Variants in BACH2 observed in about 807,000 individuals in gnomAD.
The protein encoded by BACH2 is BACH transcriptional regulator 2, also known as transcription regulator protein BACH2.
BACH2 carries 5 observed loss-of-function variants against 61.8 expected under a neutral mutation model. The ratio of observed to expected loss-of-function variants is 0.08; its 90% CI spans 0.04 to 0.17. The LOEUF is 0.17. Among genes scored for constraint, BACH2 ranks in the 10% least tolerant of loss-of-function variants. The pLI is 1.00. For missense variants in BACH2, 824 were observed against 1,091.1 expected (o/e 0.76, Z 3.45); for synonymous variants, 446 against 440.1 (o/e 1.01, Z -0.17).
chr6:90,187,422 C>T (rs967393944), intron 4 of BACH2, among the ~76,000 whole-genome samples: 2 of 152,218 alleles, frequency 1.3e-5, no homozygotes, highest in Admixed American at 6.5e-5. Flanking sequence ...AACTTTTCAG[C>T]CCAATCTATA....
intron 6 of BACH2, among the ~76,000 whole-genome samples, chr6:89,970,974 G>C (rs1194161515): frequency 6.6e-6 from 1 of 152,132 alleles, no homozygotes; most frequent in African/African-American, 2.4e-5. Context: ...AAGGGAATTT[G>C]GAACTTATGG....
chr6:89,934,646 G>A (rs1772897033), intron 8 of BACH2, among the ~76,000 whole-genome samples: 2 of 152,028 alleles, frequency 1.3e-5, no homozygotes, highest in Non-Finnish European at 2.9e-5. Flanking sequence ...GCGACAGAGC[G>A]AGACTTTGTC....
chr6:90,237,645 T>G (rs1368860658), intron 3 of BACH2, among the ~76,000 whole-genome samples: 1 of 152,200 alleles, frequency 6.6e-6, no homozygotes, highest in Non-Finnish European at 1.5e-5. Flanking sequence ...AAATGTAAAA[T>G]GCAATGGAAT....
At chr6:90,244,792 A>C (rs973997803) in intron 3 of BACH2, among the ~76,000 whole-genome samples, 15 of 152,332 alleles carry the variant, frequency 9.8e-5, no homozygotes, top group Middle Eastern at 6.8e-3. Flanking sequence ...CTGAGCCATC[A>C]TCACCCTCAT....
intron 1 of BACH2, among the ~76,000 whole-genome samples, chr6:90,294,212 T>C (rs888540471): frequency 6.6e-6 from 1 of 152,140 alleles, no homozygotes; most frequent in Non-Finnish European, 1.5e-5. Flanking sequence ...ACCTGCAGAA[T>C]AGACAGACAG....
Position 89,971,460 on chromosome 6 carries a change from G to A in BACH2, c.244-19598C>T, listed in dbSNP as rs576699630. 3.1e-4 allele frequency among the ~76,000 whole-genome samples: 47 copies of A among 152,188 alleles called. 1 individual carries two copies. Among genetic ancestry groups the A allele is most frequent in the African/African-American group, 1.1e-3 (45 of 41,520 alleles). ...ATAAAACAATGAATATGAAGGAAAC[G>A]GTACTTGGTCTGAGAGGTTCTAGGC... On this transcript the variant is annotated intron_variant, in intron 6 of 8. Coordinates refer to ENST00000257749, the MANE Select transcript of BACH2 (RefSeq NM_021813.4).
At chr6:90,140,377 T>C (rs943367082) in intron 4 of BACH2, among the ~76,000 whole-genome samples, 3 of 152,118 alleles carry the variant, frequency 2.0e-5, no homozygotes, top group Non-Finnish European at 1.5e-5. Context: ...CTTCTGAGGC[T>C]GTATAATGGG....
At chr6:90,224,456 G>GA (rs1486993506) in intron 3 of BACH2, among the ~76,000 whole-genome samples, 7 of 152,136 alleles carry the variant, frequency 4.6e-5, no homozygotes, top group Non-Finnish European at 1.0e-4. Flanking sequence ...GCTGGAATAT[G>GA]AAAAATACTG....
At position 90,028,744 on chromosome 6, in the gene BACH2, T is replaced by C. The variant is rs186753294; in HGVS notation, c.-12-19888A>G. Among the ~76,000 whole-genome samples the C allele has an allele frequency of 2.4e-3, 370 of 152,180 alleles. 2 individuals carry two copies. The highest frequency in any genetic ancestry group is 8.5e-3 in the African/African-American group (354 of 41,530). On this transcript the variant is annotated intron_variant, in intron 5 of 8. Transcript: ENST00000257749. Reference sequence around the variant, plus strand: ...ACAAAGATGGTCTACAGAGGCAAGGTAGTGCAGTGGTTGTGGATGGAGGCT... The same window carrying C: ...ACAAAGATGGTCTACAGAGGCAAGGCAGTGCAGTGGTTGTGGATGGAGGCT...
At chr6:89,986,328 A>G (rs1776241569) in intron 6 of BACH2, among the ~76,000 whole-genome samples, 3 of 151,774 alleles carry the variant, frequency 2.0e-5, no homozygotes, top group Admixed American at 6.6e-5. Flanking sequence ...GCCTTGCCTG[A>G]AAGAGGCTGC....
At chr6:90,277,883 T>C (rs185273311) in intron 1 of BACH2, among the ~76,000 whole-genome samples, 146 of 152,364 alleles carry the variant, frequency 9.6e-4, no homozygotes, top group Admixed American at 2.0e-3. Context: ...ATACAAATGC[T>C]GAGCACTACT....
At chr6:90,069,997 A>G (rs1277436606) in intron 5 of BACH2, among the ~76,000 whole-genome samples, 1 of 152,148 alleles carries the variant, frequency 6.6e-6, no homozygotes, top group Non-Finnish European at 1.5e-5. Context: ...TCAGCTCCAG[A>G]GGGTGGAATG....
intron 2 of BACH2, among the ~76,000 whole-genome samples, chr6:90,266,575 TAAGG>T (rs1364231379): frequency 8.5e-5 from 13 of 152,058 alleles, no homozygotes; most frequent in African/African-American, 2.9e-4. Flanking sequence ...CCAGCCACAA[TAAGG>T]AATGAAGTAC....
chr6:90,171,029 A>T (rs376257602), intron 4 of BACH2, among the ~76,000 whole-genome samples: 6 of 133,278 alleles, frequency 4.5e-5, no homozygotes, highest in African/African-American at 1.8e-4. Context: ...TGGGTAAATT[A>T]AAAAAAAAAA....
At chr6:90,145,791 G>A (rs928988050) in intron 4 of BACH2, among the ~76,000 whole-genome samples, 24 of 152,132 alleles carry the variant, frequency 1.6e-4, no homozygotes, top group Admixed American at 1.4e-3. Context: ...ATCATCTTCC[G>A]AAAGTACATG....
intron 5 of BACH2, among the ~76,000 whole-genome samples, chr6:90,044,255 C>T (rs190684218): frequency 1.3e-5 from 2 of 152,212 alleles, no homozygotes; most frequent in Admixed American, 1.3e-4. Context: ...CGTGGAAGAT[C>T]TCATTTAGGC....
chr6:90,271,600 T>G (rs55771973), intron 2 of BACH2, among the ~76,000 whole-genome samples: 37,980 of 152,044 alleles, frequency 0.25, 5,632 homozygotes, highest in Non-Finnish European at 0.34. Context: ...CAGACAATTC[T>G]CAAAAGAAGA....
chr6:90,295,307 G>C (rs1772306936), intron 1 of BACH2, among the ~76,000 whole-genome samples: 1 of 152,202 alleles, frequency 6.6e-6, no homozygotes, highest in African/African-American at 2.4e-5. Context: ...AGAGTGCTGG[G>C]GATGCCCCAT....
chr6:90,116,720 CTTTGTCTACAA>C (rs1783416618), intron 4 of BACH2: 1 of 402,542 alleles, frequency 2.5e-6, no homozygotes, highest in African/African-American at 2.1e-5. Context: ...CAGGTCCACA[CTTTGTCTACAA>C]TCAACTGCTA....
Sources: allele counts gnomAD v4.1 joint callset (sites outside exome capture counted in the v4.1 genomes callset), GRCh38; gene constraint gnomAD v4.1.1; transcripts MANE v1.5; gene names NCBI Gene and HGNC (gene_info 2026-07-23, HGNC 2026-07-21).